PDE4D: variants seen among roughly 807,000 people sequenced by gnomAD.
The protein encoded by PDE4D is 3',5'-cyclic-AMP phosphodiesterase 4D.
In PDE4D, 24 loss-of-function variants were observed where a neutral mutation model predicts 87.4. The ratio of observed to expected loss-of-function variants is 0.27; its 90% CI spans 0.20 to 0.39. PDE4D has a LOEUF of 0.39. PDE4D is among the 10% of genes least tolerant of loss of function. The probability of loss-of-function intolerance (pLI) is 1.00; values close to 1 mark genes in which losing one functional copy is unlikely to be tolerated. For synonymous variants in PDE4D, 384 were observed against 383.2 expected, an observed-to-expected ratio of 1.00 and a Z score of -0.02; for missense variants, 714 against 1,041.0, an observed-to-expected ratio of 0.69 and a Z score of 4.32.
intron 1 of PDE4D, among the ~76,000 whole-genome samples, chr5:59,418,927 GGT>G (rs1375643803): frequency 6.6e-6 from 1 of 152,096 alleles, no homozygotes; most frequent in Non-Finnish European, 1.5e-5. Context: ...TAGGATTATG[GGT>G]GTGAGTCACT....
chr5:59,506,940 C>T (rs539105744), intron 1 of PDE4D, among the ~76,000 whole-genome samples: 1 of 152,212 alleles, frequency 6.6e-6, no homozygotes, highest in Non-Finnish European at 1.5e-5. Flanking sequence ...ATATACCCAT[C>T]AGAAATATAT....
At chr5:59,360,272 A>T (rs1201362419) in intron 1 of PDE4D, among the ~76,000 whole-genome samples, 1 of 152,196 alleles carries the variant, frequency 6.6e-6, no homozygotes, top group African/African-American at 2.4e-5. Context: ...GGTTGAGCTG[A>T]ACTTCAGAGA....
At chr5:59,561,340 T>C (rs1819943523) in intron 1 of PDE4D, among the ~76,000 whole-genome samples, 2 of 152,204 alleles carry the variant, frequency 1.3e-5, no homozygotes, top group South Asian at 4.1e-4. Flanking sequence ...AATGGAGATA[T>C]TCTTATAATT....
At chr5:59,545,005 A>G (rs1171733620) in intron 1 of PDE4D, among the ~76,000 whole-genome samples, 1 of 152,212 alleles carries the variant, frequency 6.6e-6, no homozygotes, top group Non-Finnish European at 1.5e-5. Context: ...TTTATACATT[A>G]TCATCTTTAA....
chr5:60,386,923 T>G (rs374651785), intron 1 of PDE4D, among the ~76,000 whole-genome samples: 11 of 152,108 alleles, frequency 7.2e-5, no homozygotes, highest in Non-Finnish European at 4.4e-5. Flanking sequence ...ACTGTCACCA[T>G]GTCTGATAGA....
At chr5:59,396,353 AG>A (rs1207477211) in intron 1 of PDE4D, among the ~76,000 whole-genome samples, 1 of 98,124 alleles carries the variant, frequency 1.0e-5, no homozygotes, top group Non-Finnish European at 2.0e-5. Context: ...TTACCCTCAA[AG>A]GGAAGCCCAT....
chr5:60,501,117 A>T (rs1750053192), intron 1 of PDE4D, among the ~76,000 whole-genome samples: 1 of 152,110 alleles, frequency 6.6e-6, no homozygotes, highest in Non-Finnish European at 1.5e-5. Flanking sequence ...ATCATTTAGC[A>T]TTAGGTATAT....
intron 1 of PDE4D, among the ~76,000 whole-genome samples, chr5:59,697,579 T>A (rs1004784709): frequency 2.6e-5 from 4 of 152,234 alleles, no homozygotes; most frequent in African/African-American, 9.6e-5. Context: ...AAAGTTTCAC[T>A]ATGCTCATTT....
intron 1 of PDE4D, among the ~76,000 whole-genome samples, chr5:59,337,811 T>C (rs1777992120): frequency 6.6e-6 from 1 of 152,090 alleles, no homozygotes; most frequent in African/African-American, 2.4e-5. Flanking sequence ...TGAAGTGAAT[T>C]GGGGTATTCT....
At chr5:59,162,772 T>C (rs765322124) in intron 5 of PDE4D, among the ~76,000 whole-genome samples, 2 of 149,950 alleles carry the variant, frequency 1.3e-5, no homozygotes, top group African/African-American at 2.5e-5. Flanking sequence ...GGAGGATTGC[T>C]TGAGCCCAGG....
At chr5:59,732,490 G>A (rs1230964929) in intron 1 of PDE4D, among the ~76,000 whole-genome samples, 2 of 151,530 alleles carry the variant, frequency 1.3e-5, no homozygotes, top group Non-Finnish European at 2.9e-5. Flanking sequence ...CCTACCAAAG[G>A]GGCTTTGTTT....
intron 5 of PDE4D, among the ~76,000 whole-genome samples, chr5:59,046,707 C>T (rs1760764818): frequency 6.6e-6 from 1 of 152,150 alleles, no homozygotes; most frequent in African/African-American, 2.4e-5. Flanking sequence ...AGGGACTGAG[C>T]TTGAAGGCCA....
chr5:58,979,464 A>G (rs906679339), intron 11 of PDE4D, among the ~76,000 whole-genome samples: 1 of 152,106 alleles, frequency 6.6e-6, no homozygotes, highest in Non-Finnish European at 1.5e-5. Flanking sequence ...TTAACTTTCT[A>G]CTCTTCTTTA....
At chr5:59,225,884 T>G (rs1332923872) in intron 1 of PDE4D, among the ~76,000 whole-genome samples, 1 of 145,214 alleles carries the variant, frequency 6.9e-6, no homozygotes, top group East Asian at 2.1e-4. Context: ...AGACAAAAAA[T>G]GGCAAACAGG....
rs1221074426 is a variant in PDE4D at position 59,426,450 on chromosome 5, G to A, written c.456-210482C>T. Reference sequence around the variant, plus strand: ...ACCCTGCTTTTTTTCTGATCCCAGCGATAATAGGGAGAGCAAGCCTACCTA... The same window carrying A: ...ACCCTGCTTTTTTTCTGATCCCAGCAATAATAGGGAGAGCAAGCCTACCTA... On this transcript the variant is annotated intron_variant, in intron 1 of 14. Transcript: ENST00000340635. 3.9e-5 allele frequency among the ~76,000 whole-genome samples: 6 copies of A among 151,978 alleles called. No homozygotes were observed. In the East Asian group the frequency reaches 5.8e-4, roughly 15 times the overall value.
chr5:60,427,411 C>T (rs575542830), intron 1 of PDE4D, among the ~76,000 whole-genome samples: 3 of 152,194 alleles, frequency 2.0e-5, no homozygotes, highest in East Asian at 1.9e-4. Context: ...ATTTTTAAAT[C>T]GCTGAAAGGA....
chr5:60,484,751 C>T (rs1410687117), intron 1 of PDE4D, among the ~76,000 whole-genome samples: 1 of 152,114 alleles, frequency 6.6e-6, no homozygotes, highest in Non-Finnish European at 1.5e-5. Context: ...AAAGTTTTGT[C>T]CATTACTGGG....
intron 1 of PDE4D, among the ~76,000 whole-genome samples, chr5:59,319,482 C>A (rs1774339385): frequency 6.6e-6 from 1 of 152,064 alleles, no homozygotes; most frequent in Non-Finnish European, 1.5e-5. Flanking sequence ...TCACAGTCTG[C>A]AGACTTTGGC....
At chr5:60,296,475 G>A (rs1753399789) in intron 1 of PDE4D, among the ~76,000 whole-genome samples, 1 of 152,112 alleles carries the variant, frequency 6.6e-6, no homozygotes, top group African/African-American at 2.4e-5. Context: ...TTTAAGAAGA[G>A]CCATATTTTT....
Sources: allele counts gnomAD v4.1 joint callset (sites outside exome capture counted in the v4.1 genomes callset), GRCh38; gene constraint gnomAD v4.1.1; transcripts MANE v1.5; gene names NCBI Gene and HGNC (gene_info 2026-07-23, HGNC 2026-07-21).